NCAPG2: variants seen among roughly 807,000 people sequenced by gnomAD.
NCAPG2 encodes the protein non-SMC condensin II complex subunit G2.
A neutral mutation model predicts 141.1 loss-of-function variants in NCAPG2; 53 were observed. The ratio of observed to expected loss-of-function variants is 0.38; its 90% CI spans 0.30 to 0.47. The LOEUF (loss-of-function observed/expected upper bound fraction) is 0.47. Ranked by LOEUF, NCAPG2 falls within the 20% of genes least tolerant of loss-of-function variation. The probability of loss-of-function intolerance (pLI) is 0.99; values close to 1 mark genes in which losing one functional copy is unlikely to be tolerated. For synonymous variants in NCAPG2, 499 were observed against 490.7 expected (o/e 1.02, Z -0.22); for missense variants, 1,087 against 1,389.0 (o/e 0.78, Z 3.46).
chr7:158,692,142 C>CA (rs1207548644), intron 4 of NCAPG2, among the ~76,000 whole-genome samples: 1 of 151,752 alleles, frequency 6.6e-6, no homozygotes, highest in Non-Finnish European at 1.5e-5. Flanking sequence ...CTGTCTCTAC[C>CA]AAAAAACAAA....
intron 27 of NCAPG2, among the ~76,000 whole-genome samples, chr7:158,637,660 G>T (rs1320743394): frequency 4.1e-5 from 1 of 24,390 alleles, no homozygotes; most frequent in Non-Finnish European, 8.2e-5. Context: ...ACGTCCTCAG[G>T]TCCCACAGAA....
intron 3 of NCAPG2, 131 bp downstream of exon 3, chr7:158,693,178 C>T (rs1376913288): frequency 3.9e-6 from 4 of 1,025,466 alleles, no homozygotes; most frequent in African/African-American, 3.3e-5. Flanking sequence ...CTACAACAGA[C>T]TAAACTTCTA....
Position 158,693,417 on chromosome 7 carries a change from C to T in NCAPG2, c.159G>A (p.Arg53=), listed in dbSNP as rs1455538949. Residue 53 remains arginine, a synonymous_variant, in exon 3 of 28, where the codon AGG becomes AGA. Coordinates refer to ENST00000356309, the MANE Select transcript of NCAPG2 (RefSeq NM_017760.7). ...SRKQKEELWQ[R]LKNLLTDVLL... ...ACACATCTGTCAATAAATTCTTCAG[C>T]CTTTGCCATAATTCTTCTTTCTGTT... The T allele has an allele frequency of 6.2e-7, 1 of 1,613,988 alleles. No homozygotes were observed. The highest frequency in any genetic ancestry group is 8.5e-7 in the Non-Finnish European group (1 of 1,179,962).
Position 158,667,242 on chromosome 7 carries a change from C to T in NCAPG2, c.1480-2492G>A, listed in dbSNP as rs192742714. 5.0e-5 allele frequency: 49 copies of T among 985,040 alleles called. 1 individual carries two copies. In the African/African-American group the frequency reaches 8.3e-4, roughly 17 times the overall value. The allele number at this position is 985,040 out of a possible 1,614,324, so 61.0% of individuals were successfully genotyped here. ...TTCCTCTGCTCTGGCGCCCAAACTTCCTGGTGGGCCAGAGACCCTGTGTCC... is the reference window on the plus strand; with the variant it reads ...TTCCTCTGCTCTGGCGCCCAAACTTTCTGGTGGGCCAGAGACCCTGTGTCC... On this transcript the variant is annotated intron_variant, in intron 13 of 27. Transcript: ENST00000356309.
At chr7:158,683,698 T>A (rs1288588433) in intron 8 of NCAPG2, among the ~76,000 whole-genome samples, 1 of 152,258 alleles carries the variant, frequency 6.6e-6, no homozygotes, top group Non-Finnish European at 1.5e-5. Context: ...TTTCAGAGAC[T>A]GAGTGCATGG....
At chr7:158,683,070 A>G (rs955903570) in intron 9 of NCAPG2, among the ~76,000 whole-genome samples, 1 of 152,198 alleles carries the variant, frequency 6.6e-6, no homozygotes, top group Non-Finnish European at 1.5e-5. Flanking sequence ...CAGAGAATTG[A>G]ATTTAAGGTC....
At chr7:158,657,750 T>G (rs2129459428) in intron 17 of NCAPG2, among the ~76,000 whole-genome samples, 1 of 152,320 alleles carries the variant, frequency 6.6e-6, no homozygotes, top group African/African-American at 2.4e-5. Flanking sequence ...ATTGGATGGT[T>G]GCCGTGTCTC....
chr7:158,663,204 G>A (rs1225193615), intron 15 of NCAPG2, among the ~76,000 whole-genome samples: 1 of 152,152 alleles, frequency 6.6e-6, no homozygotes, highest in Non-Finnish European at 1.5e-5. Context: ...GTATACTGAG[G>A]GAGAAGCCCT....
intron 11 of NCAPG2, among the ~76,000 whole-genome samples, chr7:158,677,836 G>C (rs1486653619): frequency 2.0e-5 from 3 of 151,936 alleles, no homozygotes; most frequent in South Asian, 2.1e-4. Flanking sequence ...TTTGAAACAG[G>C]GTCTTGCTCT....
At chr7:158,663,724 CAGG>C (rs1005708169) in intron 15 of NCAPG2, among the ~76,000 whole-genome samples, 60 of 152,368 alleles carry the variant, frequency 3.9e-4, no homozygotes, top group African/African-American at 1.3e-3. Context: ...TCCACAAGCA[CAGG>C]AGTTTAGAAG....
intron 1 of NCAPG2, chr7:158,703,503 T>A (rs1297054082): frequency 6.6e-6 from 1 of 152,172 alleles, no homozygotes; most frequent in East Asian, 1.9e-4. Flanking sequence ...CCATTTTCCC[T>A]CTTATATTAG....
intron 17 of NCAPG2, among the ~76,000 whole-genome samples, chr7:158,657,462 C>T (rs1270040155): frequency 6.6e-6 from 1 of 152,224 alleles, no homozygotes; most frequent in Admixed American, 6.5e-5. Context: ...GTTTCAGTTC[C>T]ATGCAGTCTC....
chr7:158,654,705 C>G lies in NCAPG2; in HGVS notation c.2647-11G>C, dbSNP rs758746103. Reference sequence around the variant, plus strand: ...CACAGTCAGGTAGGTCTGTAAGAGACAGACACAGCTTAGCAACAAAGGCCA... The same window carrying G: ...CACAGTCAGGTAGGTCTGTAAGAGAGAGACACAGCTTAGCAACAAAGGCCA... On this transcript the variant is annotated splice_polypyrimidine_tract_variant and intron_variant, in intron 21 of 27. Transcript: ENST00000356309. The G allele has an allele frequency of 1.9e-6, 3 of 1,608,650 alleles. No homozygotes were observed. Among genetic ancestry groups the G allele is most frequent in the African/African-American group, 2.7e-5 (2 of 74,646 alleles).
Position 158,671,339 on chromosome 7 carries a change from G to A in NCAPG2, c.1479+175C>T, listed in dbSNP as rs566292721. 2.0e-5 allele frequency among the ~76,000 whole-genome samples: 3 copies of A among 152,310 alleles called. No homozygotes were observed. In the East Asian group the frequency reaches 5.8e-4, roughly 29 times the overall value. ...ATGTCTTTCAGAAAGAAAACACATT[G>A]ATAATATTTCTAGAACCTTTGATGA... On this transcript the variant is annotated intron_variant, in intron 13 of 27. Coordinates refer to ENST00000356309, the MANE Select transcript of NCAPG2 (RefSeq NM_017760.7).
intron 27 of NCAPG2, among the ~76,000 whole-genome samples, chr7:158,634,876 T>C (rs1403691548): frequency 6.6e-6 from 1 of 152,196 alleles, no homozygotes; most frequent in Non-Finnish European, 1.5e-5. Flanking sequence ...AATTTTAAAG[T>C]TGGAAGGGAC....
chr7:158,646,853 C>A (rs190483737), intron 24 of NCAPG2, among the ~76,000 whole-genome samples: 2 of 152,066 alleles, frequency 1.3e-5, no homozygotes, highest in African/African-American at 4.8e-5. Context: ...CATGACAAGA[C>A]CCTGCCTCTC....
At chr7:158,702,533 C>T (rs1835877367) in intron 1 of NCAPG2, among the ~76,000 whole-genome samples, 1 of 152,324 alleles carries the variant, frequency 6.6e-6, no homozygotes, top group East Asian at 1.9e-4. Flanking sequence ...TCCATCCTGC[C>T]TGTGTTTTTC....
Position 158,668,214 on chromosome 7 carries a change from C to G in NCAPG2, c.1479+3300G>C, listed in dbSNP as rs150635549. On this transcript the variant is annotated intron_variant, in intron 13 of 27. Coordinates refer to ENST00000356309, the MANE Select transcript of NCAPG2 (RefSeq NM_017760.7). ...TACCGACCCTGGGTCCCTCCGCCCC[C>G]CCTTACCCACTACTGGGTCCCTCTG... The G allele has an allele frequency of 6.1e-4, 105 of 171,236 alleles. 5 individuals carry two copies. The highest frequency in any genetic ancestry group is 3.1e-3 in the Admixed American group (6 of 1,956). 10.6% of individuals were successfully genotyped at this position (171,236 alleles called of 1,614,324 possible).
At chr7:158,700,477 C>G (rs1416032325) in intron 2 of NCAPG2, among the ~76,000 whole-genome samples, 1 of 152,168 alleles carries the variant, frequency 6.6e-6, no homozygotes, top group Admixed American at 6.5e-5. Flanking sequence ...ATGCACTTTG[C>G]AACAACAATC....
Sources: gnomAD v4.1 joint callset for allele counts (sites outside exome capture counted in the v4.1 genomes callset) on GRCh38, gnomAD v4.1.1 for gene constraint, MANE v1.5 for transcripts, NCBI Gene and HGNC (gene_info 2026-07-23, HGNC 2026-07-21) for gene names.